The following GPD2 variants were observed in gnomAD, a reference collection of about 807,000 sequenced individuals.
GPD2 encodes the protein glycerol-3-phosphate dehydrogenase 2, also known as glycerol-3-phosphate dehydrogenase, mitochondrial.
A neutral mutation model predicts 82.4 loss-of-function variants in GPD2; 54 were observed. The ratio of observed to expected loss-of-function variants is 0.66; its 90% CI spans 0.53 to 0.82. GPD2 has a LOEUF of 0.82. Ranked by LOEUF, GPD2 falls within the 40% of genes least tolerant of loss-of-function variation. The probability of loss-of-function intolerance (pLI) is 0.00; values close to 1 mark genes in which losing one functional copy is unlikely to be tolerated. For synonymous variants in GPD2, 288 were observed against 306.1 expected (o/e 0.94, Z 0.62); for missense variants, 748 against 896.2 (o/e 0.83, Z 2.11).
In GPD2 at chr2:156,521,604, A is replaced by G. The variant is rs557131822; in HGVS notation, c.661+8108A>G. ...AAAGTGAAGCATCAGTTCCACAAGCATCCCCTTGTATGTTTAAAATTTGAA... is the reference window on the plus strand; with the variant it reads ...AAAGTGAAGCATCAGTTCCACAAGCGTCCCCTTGTATGTTTAAAATTTGAA... On this transcript the variant is annotated intron_variant, in intron 6 of 16. Coordinates refer to ENST00000438166, the MANE Select transcript of GPD2 (RefSeq NM_000408.5). 1.9e-4 allele frequency among the ~76,000 whole-genome samples: 29 copies of G among 152,358 alleles called. No individual in the cohort carries two copies. The South Asian group carries it at 5.8e-3, about 30-fold the overall frequency.
At chr2:156,537,125 G>A (rs1410571060) in intron 6 of GPD2, among the ~76,000 whole-genome samples, 1 of 152,218 alleles carries the variant, frequency 6.6e-6, no homozygotes, top group African/African-American at 2.4e-5. Context: ...TGTGAGCACA[G>A]GGATTCCTTT....
Position 156,488,946 on chromosome 2 carries a change from A to G in GPD2, c.103-7098A>G, listed in dbSNP as rs533228998. Among the ~76,000 whole-genome samples, 19 of 152,308 alleles carry G rather than the reference A, an allele frequency of 1.2e-4. No homozygotes were observed. In the South Asian group the frequency reaches 3.7e-3, roughly 30 times the overall value. Reference sequence around the variant, plus strand: ...GATATTCTCCCAATTCCACCAAGATAAAAATTTTGTGTTTGGGAGCTGTGG... The same window carrying G: ...GATATTCTCCCAATTCCACCAAGATGAAAATTTTGTGTTTGGGAGCTGTGG... On this transcript the variant is annotated intron_variant, in intron 2 of 16. Coordinates refer to ENST00000438166, the MANE Select transcript of GPD2 (RefSeq NM_000408.5).
intron 1 of GPD2, among the ~76,000 whole-genome samples, chr2:156,451,288 G>A (rs1205923500): frequency 2.1e-5 from 3 of 142,036 alleles, no homozygotes; most frequent in East Asian, 4.1e-4. Context: ...TGGCAGGGCG[G>A]GGGGCTGACC....
intron 1 of GPD2, among the ~76,000 whole-genome samples, chr2:156,451,689 G>A (rs1482867291): frequency 7.0e-5 from 10 of 142,892 alleles, no homozygotes; most frequent in Non-Finnish European, 1.6e-4. Flanking sequence ...CTGGCAGGGC[G>A]GGGGGCTGAC....
intron 13 of GPD2, among the ~76,000 whole-genome samples, chr2:156,577,076 A>G (rs1687847650): frequency 6.6e-6 from 1 of 152,222 alleles, no homozygotes; most frequent in Admixed American, 6.5e-5. Flanking sequence ...TTAAGCTCAA[A>G]GAATTATTCA....
intron 2 of GPD2, among the ~76,000 whole-genome samples, chr2:156,478,924 G>A (rs1217186238): frequency 6.6e-6 from 1 of 152,174 alleles, no homozygotes; most frequent in African/African-American, 2.4e-5. Flanking sequence ...GTCCTAGAGA[G>A]CCACCTATTG....
intron 9 of GPD2, among the ~76,000 whole-genome samples, chr2:156,568,466 C>T (rs74748469): frequency 0.013 from 2,027 of 152,152 alleles, 43 homozygotes; most frequent in African/African-American, 0.046. Context: ...ATTCATGCAT[C>T]GTTAGCATTG....
intron 13 of GPD2, among the ~76,000 whole-genome samples, chr2:156,575,900 C>T (rs1017560087): frequency 2.0e-5 from 3 of 152,102 alleles, no homozygotes; most frequent in Non-Finnish European, 4.4e-5. Context: ...CCTAGTCTAC[C>T]TTGATTCAAA....
chr2:156,433,073 A>G (rs1226318993), upstream of GPD2, among the ~76,000 whole-genome samples: 1 of 152,240 alleles, frequency 6.6e-6, no homozygotes, highest in East Asian at 1.9e-4. Flanking sequence ...TGACCTAGAC[A>G]GTGAAAGAGA....
At chr2:156,413,415 C>T in the GPD2 span, among the ~76,000 whole-genome samples, 2 of 151,418 alleles carry the variant, frequency 1.3e-5, no homozygotes, top group Admixed American at 6.6e-5. Context: ...AATCCCGTCT[C>T]TACTAAAAAT....
chr2:156,537,772 T>C (rs1307697082), intron 6 of GPD2, among the ~76,000 whole-genome samples: 1 of 152,194 alleles, frequency 6.6e-6, no homozygotes, highest in African/African-American at 2.4e-5. Flanking sequence ...TTATCAGAAA[T>C]GAGATTAGAG....
At chr2:156,419,448 G>A in the GPD2 span, among the ~76,000 whole-genome samples, 1 of 152,130 alleles carries the variant, frequency 6.6e-6, no homozygotes, top group Admixed American at 6.5e-5. Flanking sequence ...TTTATTTTTA[G>A]TTTTAAGGAG....
intron 8 of GPD2, among the ~76,000 whole-genome samples, chr2:156,553,163 C>T (rs1248460898): frequency 6.6e-6 from 1 of 152,066 alleles, no homozygotes; most frequent in Non-Finnish European, 1.5e-5. Flanking sequence ...GCTGGGATTA[C>T]AGACGTGAGC....
At chr2:156,493,427 T>C (rs759205745) in intron 2 of GPD2, among the ~76,000 whole-genome samples, 2 of 152,076 alleles carry the variant, frequency 1.3e-5, no homozygotes, top group African/African-American at 2.4e-5. Context: ...TAGAGATACA[T>C]GTAAGAGGTG....
the GPD2 span, among the ~76,000 whole-genome samples, chr2:156,407,592 A>C: frequency 1.3e-5 from 2 of 152,236 alleles, no homozygotes; most frequent in Non-Finnish European, 2.9e-5. Context: ...CATGGAAATA[A>C]AGAACCTAGC....
At chr2:156,560,194 C>T (rs1397106000) in intron 9 of GPD2, among the ~76,000 whole-genome samples, 1 of 152,120 alleles carries the variant, frequency 6.6e-6, no homozygotes, top group Non-Finnish European at 1.5e-5. Flanking sequence ...GGCTGCCGTG[C>T]CCATATTGTG....
At chr2:156,426,213 A>G in the GPD2 span, among the ~76,000 whole-genome samples, 613 of 152,270 alleles carry the variant, frequency 4.0e-3, 3 homozygotes, top group East Asian at 7.2e-3. Flanking sequence ...GTGAGCCACC[A>G]CGCCCGGCCA....
At chr2:156,401,181 G>C in the GPD2 span, among the ~76,000 whole-genome samples, 6 of 152,286 alleles carry the variant, frequency 3.9e-5, no homozygotes, top group South Asian at 2.1e-4. Flanking sequence ...GGCCTCCCGC[G>C]TGGCAGGCGA....
intron 1 of GPD2, among the ~76,000 whole-genome samples, chr2:156,441,757 G>A (rs554196211): frequency 6.6e-5 from 10 of 152,238 alleles, no homozygotes; most frequent in African/African-American, 9.6e-5. Context: ...ACCCTGTGGC[G>A]TCTGCACAAA....
Sources: allele counts gnomAD v4.1 joint callset (sites outside exome capture counted in the v4.1 genomes callset), GRCh38; gene constraint gnomAD v4.1.1; transcripts MANE v1.5; gene names NCBI Gene and HGNC (gene_info 2026-07-23, HGNC 2026-07-21).